ZCWPW2: variants seen among roughly 807,000 people sequenced by gnomAD.
ZCWPW2 encodes the protein zinc finger CW-type PWWP domain protein 2.
A neutral mutation model predicts 46.6 loss-of-function variants in ZCWPW2; 45 were observed. The ratio of observed to expected loss-of-function variants is 0.96; its 90% CI spans 0.76 to 1.24. The LOEUF is 1.24. Ranked by LOEUF, ZCWPW2 falls within the 50% of genes most tolerant of loss-of-function variation. ZCWPW2 has a pLI of 0.00. For synonymous variants in ZCWPW2, 152 were observed against 137.1 expected (o/e 1.11, Z -0.76); for missense variants, 429 against 403.9 (o/e 1.06, Z -0.53).
chr3:28,355,628 C>G (rs4327342), intron 1 of ZCWPW2, among the ~76,000 whole-genome samples: 73,789 of 152,038 alleles, frequency 0.49, 18,461 homozygotes, highest in Non-Finnish European at 0.54. Flanking sequence ...ACCAAAATAG[C>G]ATGGTACTGG....
chr3:28,489,663 C>CGT, intron 5 of ZCWPW2, among the ~76,000 whole-genome samples: 1 of 58,966 alleles, frequency 1.7e-5, no homozygotes, highest in Admixed American at 2.2e-4. Flanking sequence ...CACACACACA[C>CGT]GCGCGCACAC....
chr3:28,391,767 G>A (rs1196010587), intron 2 of ZCWPW2, among the ~76,000 whole-genome samples: 1 of 152,128 alleles, frequency 6.6e-6, no homozygotes, highest in Non-Finnish European at 1.5e-5. Flanking sequence ...GACACCCAGA[G>A]AGGGAAATGC....
At chr3:28,383,608 T>A (rs1168410334) in intron 1 of ZCWPW2, among the ~76,000 whole-genome samples, 1 of 151,902 alleles carries the variant, frequency 6.6e-6, no homozygotes, top group Non-Finnish European at 1.5e-5. Context: ...ATAAGAGGTG[T>A]GTGTTAAAGC....
At chr3:28,432,493 T>C (rs1036030852) in intron 3 of ZCWPW2, among the ~76,000 whole-genome samples, 3 of 152,208 alleles carry the variant, frequency 2.0e-5, no homozygotes, top group African/African-American at 4.8e-5. Context: ...ATATTTCTAC[T>C]GTACATTCCT....
In ZCWPW2 at chr3:28,371,727, T is replaced by A. The variant is rs183056926; in HGVS notation, c.-133-18771T>A. ...ATATTAAGGATGGAAGGACTCTCAG[T>A]AAACTAACTTAACAGGATTCTTTGC... On this transcript the variant is annotated intron_variant, in intron 1 of 9. Transcript: ENST00000383768. Among the ~76,000 whole-genome samples the A allele has an allele frequency of 2.7e-3, 404 of 152,112 alleles. 2 individuals carry two copies. Among genetic ancestry groups the A allele is most frequent in the African/African-American group, 9.2e-3 (382 of 41,494 alleles).
intron 1 of ZCWPW2, among the ~76,000 whole-genome samples, chr3:28,352,319 G>C (rs575476862): frequency 6.6e-6 from 1 of 152,140 alleles, no homozygotes; most frequent in Admixed American, 6.5e-5. Context: ...TTCCCGGGGG[G>C]GTTATATAGT....
In ZCWPW2 at chr3:28,349,192, G is replaced by A. The variant is rs1031897948; in HGVS notation, c.-145G>A. ...CGCGGGACGCCAGGAGGCGGAGGCG[G>A]AGTGGAGTTAGGTAAGAGCGTTACC... On this transcript the variant is annotated 5_prime_UTR_variant, in exon 1 of 10. Transcript: ENST00000383768. The A allele has an allele frequency of 1.5e-4, 143 of 985,640 alleles. No individual in the cohort carries two copies. Among genetic ancestry groups the A allele is most frequent in the Non-Finnish European group, 1.7e-4 (142 of 830,204 alleles). 61.1% of individuals were successfully genotyped at this position (985,640 alleles called of 1,614,324 possible).
At chr3:28,357,186 A>G (rs577251818) in intron 1 of ZCWPW2, among the ~76,000 whole-genome samples, 1 of 152,158 alleles carries the variant, frequency 6.6e-6, no homozygotes, top group Non-Finnish European at 1.5e-5. Context: ...TTCAGAGGAG[A>G]GCCATTTTAT....
intron 1 of ZCWPW2, among the ~76,000 whole-genome samples, chr3:28,371,182 T>C (rs904933723): frequency 1.3e-5 from 2 of 152,232 alleles, no homozygotes; most frequent in African/African-American, 4.8e-5. Flanking sequence ...CTACCTAAAT[T>C]ATGTGTTGAT....
chr3:28,453,925 A>C (rs1698329059), intron 4 of ZCWPW2, among the ~76,000 whole-genome samples: 1 of 150,972 alleles, frequency 6.6e-6, no homozygotes, highest in Non-Finnish European at 1.5e-5. Context: ...GCTCACTGCA[A>C]GCTCCGCCTC....
At chr3:28,489,683 C>A (rs1575199548) in intron 5 of ZCWPW2, among the ~76,000 whole-genome samples, 1 of 147,266 alleles carries the variant, frequency 6.8e-6, no homozygotes, top group East Asian at 1.9e-4. Flanking sequence ...CACACACACA[C>A]ACACACACAC....
chr3:28,379,522 C>A (rs1705604415), intron 1 of ZCWPW2, among the ~76,000 whole-genome samples: 1 of 152,122 alleles, frequency 6.6e-6, no homozygotes, highest in South Asian at 2.1e-4. Context: ...TTTCTGAAAT[C>A]TACCTTTATA....
At chr3:28,458,656 C>A (rs1698512853) in intron 4 of ZCWPW2, among the ~76,000 whole-genome samples, 1 of 152,084 alleles carries the variant, frequency 6.6e-6, no homozygotes, top group Admixed American at 6.6e-5. Flanking sequence ...TACATCGGGG[C>A]ATCTGCTTCT....
At chr3:28,374,797 A>G (rs975031614) in intron 1 of ZCWPW2, among the ~76,000 whole-genome samples, 4 of 152,100 alleles carry the variant, frequency 2.6e-5, no homozygotes, top group African/African-American at 4.8e-5. Flanking sequence ...GCATATATAA[A>G]TGCTACTGAT....
At chr3:28,492,057 G>T (rs1266762236) in intron 5 of ZCWPW2, 70 bp from the exon 6 acceptor site, 1 of 1,429,908 alleles carries the variant, frequency 7.0e-7, no homozygotes, top group Non-Finnish European at 9.7e-7. Flanking sequence ...TTCTAATTGT[G>T]TAATTCAGTA....
Position 28,437,953 on chromosome 3 carries a change from T to C in ZCWPW2, c.492+2684T>C, listed in dbSNP as rs559834028. Among the ~76,000 whole-genome samples the C allele has an allele frequency of 7.2e-5, 11 of 152,276 alleles. No individual in the cohort carries two copies. The South Asian group carries it at 2.3e-3, about 32-fold the overall frequency. The stretch of plus-strand genomic sequence containing the variant: ...ACTATTTTTGAACTCTGGAGTCTAT[T>C]GAAGGCTTGAAACTTCCAGGAAAAG... On this transcript the variant is annotated intron_variant, in intron 4 of 9. Transcript: ENST00000383768.
intron 5 of ZCWPW2, among the ~76,000 whole-genome samples, chr3:28,484,413 C>T (rs1193918648): frequency 1.3e-5 from 2 of 152,036 alleles, no homozygotes; most frequent in East Asian, 3.9e-4. Flanking sequence ...GGGCTTGCTG[C>T]TTTTTGTTTG....
chr3:28,517,024 T>G (rs941702367), intron 8 of ZCWPW2, among the ~76,000 whole-genome samples: 4 of 152,104 alleles, frequency 2.6e-5, no homozygotes, highest in Non-Finnish European at 4.4e-5. Context: ...TTTTAAAAAA[T>G]AACTTCTTTT....
chr3:28,374,851 T>C (rs577491166), intron 1 of ZCWPW2, among the ~76,000 whole-genome samples: 4 of 152,230 alleles, frequency 2.6e-5, no homozygotes, highest in African/African-American at 9.6e-5. Flanking sequence ...TGAATTTGCT[T>C]AACAGGTTTT....
Sources: gnomAD v4.1 joint callset for allele counts (sites outside exome capture counted in the v4.1 genomes callset) on GRCh38, gnomAD v4.1.1 for gene constraint, MANE v1.5 for transcripts, NCBI Gene and HGNC (gene_info 2026-07-23, HGNC 2026-07-21) for gene names.